The following CHD5 variants were observed in gnomAD, a reference collection of about 807,000 sequenced individuals.
CHD5 encodes the protein ATP-dependent chromatin remodeler CHD5.
CHD5 carries 69 observed loss-of-function variants against 230.3 expected under a neutral mutation model. The observed-to-expected ratio is 0.30, with a 90% CI of 0.25 to 0.37. The LOEUF (loss-of-function observed/expected upper bound fraction) is 0.37. Ranked by LOEUF, CHD5 falls within the 10% of genes least tolerant of loss-of-function variation. CHD5 has a pLI of 1.00. For synonymous variants in CHD5, 1,064 were observed against 1,065.9 expected, an observed-to-expected ratio of 1.00 and a Z score of 0.03; for missense variants, 1,827 against 2,622.8, an observed-to-expected ratio of 0.70 and a Z score of 6.63.
Position 6,125,986 on chromosome 1 carries a change from C to G in CHD5, c.4079-128G>C. 1 of 686,272 alleles carries G rather than the reference C, an allele frequency of 1.5e-6. No individual in the cohort carries two copies. The highest frequency in any genetic ancestry group is 2.5e-5 in the East Asian group (1 of 40,244). The allele number at this position is 686,272 out of a possible 1,614,324, so 42.5% of individuals were successfully genotyped here. On this transcript the variant is annotated intron_variant, in intron 26 of 41. Transcript: ENST00000262450. The surrounding 1 kb of genome is among the most constrained non-coding windows in gnomAD (Gnocchi z 6.7). ...TCCATAAAAAAGCAGTGACAATGGCCCACATACTTCCTGTGGGCTCATTTA... is the reference window on the plus strand; with the variant it reads ...TCCATAAAAAAGCAGTGACAATGGCGCACATACTTCCTGTGGGCTCATTTA...
chr1:6,149,855 T>TGATG (rs144731627), intron 7 of CHD5, among the ~76,000 whole-genome samples: 9,093 of 148,844 alleles, frequency 0.061, 286 homozygotes, highest in South Asian at 0.13. Context: ...AATGGACGGA[T>TGATG]GATGGATGGA....
chr1:6,109,974 A>G lies in CHD5; in HGVS notation c.5399T>C (p.Leu1800Ser), dbSNP rs574274586. 1 of 1,548,560 alleles carries G rather than the reference A, an allele frequency of 6.5e-7. No individual in the cohort carries two copies. The highest frequency in any genetic ancestry group is 1.4e-5 in the African/African-American group (1 of 72,892). ...ARRFKLLEQA[L>S]VIEEQLRRAA... is the part of the protein sequence containing the mutation. ...CCTCCGGAGCTGCTCCTCAATGACCAACGCCTGCTCCAGCAGCTGGGGGCG... is the reference window on the plus strand; with the variant it reads ...CCTCCGGAGCTGCTCCTCAATGACCGACGCCTGCTCCAGCAGCTGGGGGCG... The change falls in exon 38 of 42, where the codon TTG (leucine) becomes TCG (serine). Residue 1800 changes from leucine (L) to serine (S), a missense_variant. Coordinates refer to ENST00000262450, the MANE Select transcript of CHD5 (RefSeq NM_015557.3).
intron 33 of CHD5, among the ~76,000 whole-genome samples, chr1:6,120,765 T>C (rs1666455997): frequency 6.6e-6 from 1 of 152,098 alleles, no homozygotes; most frequent in South Asian, 2.1e-4. Flanking sequence ...TAGCTGGGTG[T>C]GGTGGTACAC....
Position 6,143,816 on chromosome 1 carries a change from C to G in CHD5, c.2043+7G>C. 1 of 1,609,658 alleles carries G rather than the reference C, an allele frequency of 6.2e-7. No individual in the cohort carries two copies. The highest frequency in any genetic ancestry group is 8.5e-7 in the Non-Finnish European group (1 of 1,179,066). ...CCACCCACTGCTGCCCCACCCTCCC[C>G]ACTCACGTCCACAATGGGCGTGTCC... is the stretch of plus-strand genomic sequence containing the variant. On this transcript the variant is annotated splice_region_variant and intron_variant, in intron 13 of 41. Transcript: ENST00000262450.
chr1:6,141,082 G>A (rs1666820786), intron 15 of CHD5, among the ~76,000 whole-genome samples: 3 of 151,106 alleles, frequency 2.0e-5, no homozygotes, highest in African/African-American at 7.3e-5. Flanking sequence ...TTAGGAGTTC[G>A]AGACCAGCCT....
intron 38 of CHD5, among the ~76,000 whole-genome samples, chr1:6,107,991 TG>T (rs1207279523): frequency 5.8e-5 from 5 of 86,886 alleles, no homozygotes; most frequent in African/African-American, 1.4e-4. Flanking sequence ...GATGGAGAGA[TG>T]GGGGATGGAG....
rs753808491 is a variant in CHD5 at position 6,179,957 on chromosome 1, C to T, written c.67G>A (p.Asp23Asn). 5.2e-4 allele frequency: 710 copies of T among 1,367,730 alleles called. 1 individual carries two copies. Among genetic ancestry groups the T allele is most frequent in the Non-Finnish European group, 6.3e-4 (664 of 1,045,698 alleles). The allele number at this position is 1,367,730 out of a possible 1,614,324, so 84.7% of individuals were successfully genotyped here. The change falls in exon 1 of 42, where the codon GAC becomes AAC. Residue 23 changes from aspartate to asparagine, a missense_variant. Asp to Asn is a conservative substitution (Grantham distance 23). This residue lies in a region of CHD5 where 113 missense variants were observed against 91.9 expected (regional missense o/e 1.23). Coordinates refer to ENST00000262450, the MANE Select transcript of CHD5 (RefSeq NM_015557.3). Reference protein sequence around the residue: ...RLFAEEMENEDEMSEEEDGGL... With the variant: ...RLFAEEMENENEMSEEEDGGL... ...GCGCCCCGCTCACCTGACATCTCGT[C>T]CTCATTCTCCATCTCCTCGGCGAAC...
Position 6,155,566 on chromosome 1 carries a change from G to A in CHD5, c.506+33C>T, listed in dbSNP as rs201995225. On this transcript the variant is annotated intron_variant, in intron 4 of 41. Transcript: ENST00000262450. This position sits in a 1 kb window ranked among gnomAD's most constrained non-coding sequence, Gnocchi z 4.0. ...GACTTGGTACCACCAGAGGATGTGC[G>A]GGCCTGGAGAACAGCCCTAGTGCCC... 8.4e-4 allele frequency: 1,295 copies of A among 1,548,062 alleles called. 2 individuals are homozygous for A. Among genetic ancestry groups the A allele is most frequent in the Non-Finnish European group, 9.8e-4 (1,101 of 1,120,328 alleles).
At chr1:6,108,452 G>A (rs375628603) in intron 38 of CHD5, among the ~76,000 whole-genome samples, 1 of 146,114 alleles carries the variant, frequency 6.8e-6, no homozygotes, top group East Asian at 2.1e-4. Flanking sequence ...GAGAGATGGG[G>A]GATGGGGGTG....
At chr1:6,172,839 C>T (rs1368165345) in intron 1 of CHD5, among the ~76,000 whole-genome samples, 1 of 152,210 alleles carries the variant, frequency 6.6e-6, no homozygotes, top group African/African-American at 2.4e-5. Flanking sequence ...CAGCCCCTCA[C>T]TCCTCTGGGG....
At chr1:6,113,963 A>G (rs536818263) in intron 33 of CHD5, among the ~76,000 whole-genome samples, 28 of 152,188 alleles carry the variant, frequency 1.8e-4, no homozygotes, top group African/African-American at 6.5e-4. Context: ...AAAAACCACA[A>G]TCCAGGCCGG....
chr1:6,121,047 C>CT lies in CHD5; in HGVS notation c.4912+57_4912+58insA. On this transcript the variant is annotated intron_variant, in intron 33 of 41. Transcript: ENST00000262450. The surrounding 1 kb of genome is among the most constrained non-coding windows in gnomAD (Gnocchi z 4.5). ...TACAGCCACCTGCCCTTCTCTGAAC[C>CT]CAGGCCTGCTGAGGCCAGACATGGC... The CT allele has an allele frequency of 1.7e-5, 26 of 1,505,804 alleles. No homozygotes were observed. The highest frequency in any genetic ancestry group is 2.3e-5 in the Non-Finnish European group (26 of 1,130,650). The allele number at this position is 1,505,804 out of a possible 1,614,324, so 93.3% of individuals were successfully genotyped here. A position where few individuals can be genotyped will look rare whatever the true frequency, so the allele number is the denominator to read the frequency against.
Position 6,125,833 on chromosome 1 carries a change from G to A in CHD5, c.4104C>T (p.Asn1368=), listed in dbSNP as rs941570042. ...CAGAGCCAATGGAATATTCTGACTG[G>A]TTATCAGAGAGCTCATCCTGCCACT... ...DQEWQDELSD[N]QSEYSIGSED... Residue 1368 remains asparagine (N), a synonymous_variant, in exon 27 of 42, where the codon AAC becomes AAT. Transcript: ENST00000262450. The surrounding 1 kb of genome is among the most constrained non-coding windows in gnomAD (Gnocchi z 6.7). The A allele has an allele frequency of 1.9e-6, 3 of 1,612,578 alleles. No individual in the cohort carries two copies. The highest frequency in any genetic ancestry group is 2.5e-6 in the Non-Finnish European group (3 of 1,179,822).
At chr1:6,139,265 GAC>G (rs1245617398) in intron 15 of CHD5, among the ~76,000 whole-genome samples, 2 of 152,134 alleles carry the variant, frequency 1.3e-5, no homozygotes, top group Non-Finnish European at 2.9e-5. Flanking sequence ...GTTTTTCTGA[GAC>G]AGAGTTTAGC....
chr1:6,133,626 C>G (rs1666692763), intron 20 of CHD5, among the ~76,000 whole-genome samples: 1 of 152,372 alleles, frequency 6.6e-6, no homozygotes, highest in African/African-American at 2.4e-5. Flanking sequence ...AGGACAGGGA[C>G]TAGATCACTG....
intron 1 of CHD5, 88 bp downstream of exon 1, chr1:6,179,857 C>T (rs1231598700): frequency 4.3e-5 from 23 of 535,362 alleles, no homozygotes; most frequent in Non-Finnish European, 4.8e-5. Flanking sequence ...CCGGCCGCGC[C>T]GCCCCCGCCG....
At chr1:6,140,177 C>T (rs372746057) in intron 15 of CHD5, among the ~76,000 whole-genome samples, 4 of 151,938 alleles carry the variant, frequency 2.6e-5, no homozygotes, top group African/African-American at 2.4e-5. Flanking sequence ...CCGAGGTGGG[C>T]GGATCATGAG....
intron 17 of CHD5, among the ~76,000 whole-genome samples, chr1:6,136,014 T>TAA (rs55975312): frequency 3.3e-5 from 4 of 119,442 alleles, no homozygotes; most frequent in Non-Finnish European, 7.1e-5. Flanking sequence ...TTTCTTTTAA[T>TAA]AAAAAAAAAC....
At chr1:6,145,161 G>A (rs1365723032) in intron 11 of CHD5, among the ~76,000 whole-genome samples, 4 of 152,080 alleles carry the variant, frequency 2.6e-5, no homozygotes, top group African/African-American at 4.8e-5. Context: ...CAAATTCCGC[G>A]ACCCTCGTAC....
Sources: gnomAD v4.1 joint callset for allele counts (sites outside exome capture counted in the v4.1 genomes callset) on GRCh38, gnomAD v4.1.1 for gene constraint, gnomAD v4.1.1 regional missense constraint, Gnocchi (gnomAD v3.1) non-coding constraint, MANE v1.5 for transcripts, NCBI Gene and HGNC (gene_info 2026-07-23, HGNC 2026-07-21) for gene names.